The following CADPS variants were observed in gnomAD, a reference collection of about 807,000 sequenced individuals.
CADPS encodes calcium-dependent secretion activator 1.
Under a neutral mutation model 167.3 loss-of-function variants are expected in CADPS, and 57 were observed. The ratio of observed to expected loss-of-function variants is 0.34; its 90% CI spans 0.28 to 0.42. The LOEUF is 0.42. Ranked by LOEUF, CADPS falls within the 20% of genes least tolerant of loss-of-function variation. The probability of loss-of-function intolerance (pLI) is 1.00; values close to 1 mark genes in which losing one functional copy is unlikely to be tolerated. For missense variants in CADPS, 1,414 were observed against 1,738.1 expected, an observed-to-expected ratio of 0.81 and a Z score of 3.32; for synonymous variants, 676 against 635.3, an observed-to-expected ratio of 1.06 and a Z score of -0.96.
rs915046379 is a variant in CADPS, at chr3:62,874,471, G to C, written c.441+118C>G. On this transcript the variant is annotated intron_variant, in intron 1 of 29. Coordinates refer to ENST00000383710, the MANE Select transcript of CADPS (RefSeq NM_003716.4). The surrounding 1 kb of genome is among the most constrained non-coding windows in gnomAD (Gnocchi z 7.1). ...GGGGGCCTCGTAGCCCTTTCCCCAG[G>C]GCGCGGTCTCCACCTCTCCTGCTCC... 2.4e-5 allele frequency: 18 copies of C among 756,784 alleles called. No homozygotes were observed. The highest frequency in any genetic ancestry group is 5.0e-5 in the Admixed American group (2 of 39,858). 46.9% of individuals were successfully genotyped at this position (756,784 alleles called of 1,614,324 possible).
chr3:62,534,817 T>C (rs1441332643), intron 12 of CADPS, among the ~76,000 whole-genome samples: 1 of 152,194 alleles, frequency 6.6e-6, no homozygotes, highest in Non-Finnish European at 1.5e-5. Flanking sequence ...TAATGACTAA[T>C]ATACACAGGT....
chr3:62,671,829 C>G (rs2075562342), intron 3 of CADPS, among the ~76,000 whole-genome samples: 1 of 152,162 alleles, frequency 6.6e-6, no homozygotes, highest in African/African-American at 2.4e-5. Context: ...GTGGCGTGAT[C>G]TCAGCTAACT....
chr3:62,404,564 C>T (rs1707680682), intron 28 of CADPS: 1 of 152,190 alleles, frequency 6.6e-6, no homozygotes, highest in African/African-American at 2.4e-5. Flanking sequence ...CAGAAGCCCT[C>T]TTTGCAATCT....
At chr3:62,856,822 A>G (rs2079783758) in intron 1 of CADPS, among the ~76,000 whole-genome samples, 1 of 151,978 alleles carries the variant, frequency 6.6e-6, no homozygotes, top group African/African-American at 2.4e-5. Flanking sequence ...TACGTCATTC[A>G]TTACACCAAT....
chr3:62,842,053 G>A (rs1218831589), intron 1 of CADPS, among the ~76,000 whole-genome samples: 3 of 152,092 alleles, frequency 2.0e-5, no homozygotes, highest in African/African-American at 7.2e-5. Flanking sequence ...CATCTAAGCA[G>A]CAAATAATTC....
intron 21 of CADPS, among the ~76,000 whole-genome samples, chr3:62,482,429 A>G (rs2062146133): frequency 1.3e-5 from 2 of 152,256 alleles, no homozygotes; most frequent in Admixed American, 1.3e-4. Context: ...CTGCTTCTAA[A>G]GACAGGTGTA....
chr3:62,435,666 A>AT (rs2054858893), intron 28 of CADPS, among the ~76,000 whole-genome samples: 16 of 151,822 alleles, frequency 1.1e-4, no homozygotes, highest in African/African-American at 2.2e-4. Flanking sequence ...GCTCCTGAAA[A>AT]ATTTTTTTTT....
At chr3:62,682,958 G>A (rs894278901) in intron 3 of CADPS, among the ~76,000 whole-genome samples, 1 of 152,074 alleles carries the variant, frequency 6.6e-6, no homozygotes, top group Admixed American at 6.6e-5. Flanking sequence ...CTAAAGATAA[G>A]TAGAAGTTAA....
At chr3:62,512,645 G>A in intron 17 of CADPS, 106 bp downstream of exon 17, 1 of 729,206 alleles carries the variant, frequency 1.4e-6, no homozygotes, top group Non-Finnish European at 2.3e-6. Context: ...AACTCCACAT[G>A]GCTCTCTGGG....
intron 6 of CADPS, among the ~76,000 whole-genome samples, chr3:62,645,388 T>G (rs1035419501): frequency 6.6e-6 from 1 of 152,200 alleles, no homozygotes; most frequent in African/African-American, 2.4e-5. Flanking sequence ...ACCAAATATT[T>G]AGAAAATTTA....
intron 8 of CADPS, among the ~76,000 whole-genome samples, chr3:62,575,493 A>G (rs756461359): frequency 5.3e-5 from 8 of 152,252 alleles, no homozygotes; most frequent in Non-Finnish European, 8.8e-5. Flanking sequence ...TGAGGATTAA[A>G]GTAGAAATAT....
At chr3:62,725,366 A>G (rs929016999) in intron 3 of CADPS, among the ~76,000 whole-genome samples, 4 of 152,224 alleles carry the variant, frequency 2.6e-5, no homozygotes, top group African/African-American at 9.6e-5. Flanking sequence ...TGGACAGTGC[A>G]GGTTTAGACA....
intron 1 of CADPS, among the ~76,000 whole-genome samples, chr3:62,818,021 A>G (rs999660789): frequency 2.6e-5 from 4 of 152,150 alleles, no homozygotes; most frequent in Non-Finnish European, 5.9e-5. Context: ...ACTTTCTCCA[A>G]TTCTAGGAAT....
At chr3:62,719,859 C>T (rs778980365) in intron 3 of CADPS, among the ~76,000 whole-genome samples, 4 of 152,282 alleles carry the variant, frequency 2.6e-5, no homozygotes, top group Non-Finnish European at 5.9e-5. Flanking sequence ...TGGGGTTACA[C>T]GACTACTTCT....
At position 62,851,737 on chromosome 3, in the gene CADPS, CTGACAATTATG is replaced by C. The variant is rs775861738; in HGVS notation, c.441+22841_441+22851del. 6.2e-3 allele frequency among the ~76,000 whole-genome samples: 930 copies of C among 149,340 alleles called. 5 individuals carry two copies. The highest frequency in any genetic ancestry group is 9.9e-3 in the Non-Finnish European group (666 of 67,236). On this transcript the variant is annotated intron_variant, in intron 1 of 29. Transcript: ENST00000383710. Reference sequence around the variant, plus strand: ...TTCCTTCATTTCAACTTTGGTGAATCTGACAATTATGTGTCTTGGAGTTGTTCTTCTCGAGG... The same window carrying C: ...TTCCTTCATTTCAACTTTGGTGAATCTGTCTTGGAGTTGTTCTTCTCGAGG...
intron 1 of CADPS, among the ~76,000 whole-genome samples, chr3:62,867,697 T>C (rs901465970): frequency 4.6e-5 from 7 of 152,064 alleles, no homozygotes; most frequent in African/African-American, 1.7e-4. Flanking sequence ...GTACTTCATA[T>C]ATATTAACTT....
chr3:62,629,757 GT>G (rs55956118), intron 6 of CADPS, among the ~76,000 whole-genome samples: 23 of 145,742 alleles, frequency 1.6e-4, no homozygotes, highest in East Asian at 4.0e-4. Flanking sequence ...CTCTGGTACA[GT>G]TTTTTTTTTG....
chr3:62,728,618 T>A (rs1044258268), intron 3 of CADPS, among the ~76,000 whole-genome samples: 1 of 151,906 alleles, frequency 6.6e-6, no homozygotes, highest in South Asian at 2.1e-4. Context: ...CATTTCCAAA[T>A]GTAAATGTTC....
intron 1 of CADPS, among the ~76,000 whole-genome samples, chr3:62,864,226 T>G (rs1389289302): frequency 6.6e-6 from 1 of 152,200 alleles, no homozygotes; most frequent in Non-Finnish European, 1.5e-5. Flanking sequence ...GCAGCACTGA[T>G]GCAAATGGCT....
Sources: allele counts gnomAD v4.1 joint callset (sites outside exome capture counted in the v4.1 genomes callset), GRCh38; gene constraint gnomAD v4.1.1; non-coding constraint Gnocchi (gnomAD v3.1); transcripts MANE v1.5; gene names NCBI Gene and HGNC (gene_info 2026-07-23, HGNC 2026-07-21).